The following RIMS2 variants were observed in gnomAD, a reference collection of about 807,000 sequenced individuals.
RIMS2 encodes the protein regulating synaptic membrane exocytosis 2.
Under a neutral mutation model 174.4 loss-of-function variants are expected in RIMS2, and 59 were observed. That is an observed-to-expected ratio of 0.34 (90% CI 0.27 to 0.42). The LOEUF is 0.42. RIMS2 is among the 10% of genes least tolerant of loss of function. The probability of loss-of-function intolerance (pLI) is 1.00; values close to 1 mark genes in which losing one functional copy is unlikely to be tolerated. For missense variants in RIMS2, 1,620 were observed against 1,666.3 expected (o/e 0.97, Z 0.48); for synonymous variants, 606 against 572.5 (o/e 1.06, Z -0.84).
chr8:103,718,463 G>T (rs1004902708), intron 2 of RIMS2, among the ~76,000 whole-genome samples: 18 of 152,176 alleles, frequency 1.2e-4, no homozygotes, highest in African/African-American at 3.9e-4. Context: ...TCACAATGAT[G>T]CACACTGGGC....
rs186666352 is a variant in RIMS2 at position 103,637,968 on chromosome 8, G to A, written c.177-59118G>A. Among the ~76,000 whole-genome samples the A allele has an allele frequency of 5.7e-4, 86 of 152,136 alleles. 1 individual carries two copies. The highest frequency in any genetic ancestry group is 1.1e-3 in the Admixed American group (17 of 15,280). Reference sequence around the variant, plus strand: ...TTCCCTAATTTCAATTTTTGTAGACGTTCCTCAGTTTGGGTTTGTTTTGAT... The same window carrying A: ...TTCCCTAATTTCAATTTTTGTAGACATTCCTCAGTTTGGGTTTGTTTTGAT... On this transcript the variant is annotated intron_variant, in intron 1 of 23. Coordinates refer to ENST00000504942, the Ensembl canonical transcript of RIMS2.
At chr8:103,507,173 C>T (rs1035051718) in intron 1 of RIMS2, among the ~76,000 whole-genome samples, 3 of 151,910 alleles carry the variant, frequency 2.0e-5, no homozygotes, top group Admixed American at 6.6e-5. Flanking sequence ...GTATGATTGC[C>T]GGTTTCTCAT....
intron 3 of RIMS2, among the ~76,000 whole-genome samples, chr8:103,848,517 C>T (rs1465879372): frequency 6.6e-6 from 1 of 151,948 alleles, no homozygotes; most frequent in Non-Finnish European, 1.5e-5. Flanking sequence ...TCTGTCTGGT[C>T]TTATGATTTG....
intron 2 of RIMS2, among the ~76,000 whole-genome samples, chr8:103,760,971 G>A (rs906173134): frequency 6.6e-6 from 1 of 152,054 alleles, no homozygotes; most frequent in African/African-American, 2.4e-5. Context: ...GCAAATTATA[G>A]CTTCATCTAA....
At chr8:104,163,533 A>G (rs1461828775) in intron 19 of RIMS2, among the ~76,000 whole-genome samples, 1 of 152,200 alleles carries the variant, frequency 6.6e-6, no homozygotes, top group East Asian at 1.9e-4. Context: ...GTCCACAAAG[A>G]CAAATGACCT....
intron 1 of RIMS2, among the ~76,000 whole-genome samples, chr8:103,681,298 C>A (rs776694778): frequency 3.2e-4 from 49 of 151,872 alleles, no homozygotes; most frequent in Non-Finnish European, 6.2e-4. Flanking sequence ...AAGTACCATG[C>A]ACATTAGCTA....
intron 3 of RIMS2, among the ~76,000 whole-genome samples, chr8:103,878,534 T>A (rs79166056): frequency 0.012 from 1,781 of 151,516 alleles, 35 homozygotes; most frequent in African/African-American, 0.04. Context: ...ATCTCTTTCT[T>A]TTTGTTGTGT....
intron 3 of RIMS2, among the ~76,000 whole-genome samples, chr8:103,783,969 G>T (rs1184695356): frequency 1.2e-4 from 19 of 152,018 alleles, no homozygotes; most frequent in Admixed American, 5.2e-4. Flanking sequence ...TCTAACTGGT[G>T]TGAGATGGTA....
At chr8:103,967,410 T>C (rs774091245) in intron 15 of RIMS2, among the ~76,000 whole-genome samples, 7 of 151,952 alleles carry the variant, frequency 4.6e-5, no homozygotes, top group Non-Finnish European at 8.8e-5. Context: ...GTCAGGCTGG[T>C]CTCAAACTCC....
intron 3 of RIMS2, among the ~76,000 whole-genome samples, chr8:103,870,274 T>C (rs1034637482): frequency 2.6e-5 from 4 of 152,036 alleles, no homozygotes; most frequent in African/African-American, 9.7e-5. Flanking sequence ...TTCACAGGAT[T>C]ATTTTGAAAA....
chr8:103,542,302 A>C (rs1842913300), intron 1 of RIMS2, among the ~76,000 whole-genome samples: 1 of 152,158 alleles, frequency 6.6e-6, no homozygotes, highest in Non-Finnish European at 1.5e-5. Context: ...AGAAATAGAA[A>C]AGCTAAACAG....
chr8:104,097,733 G>T (rs1426221778), intron 19 of RIMS2, among the ~76,000 whole-genome samples: 3 of 152,114 alleles, frequency 2.0e-5, no homozygotes, highest in African/African-American at 7.2e-5. Context: ...TAGGATTTTG[G>T]ATTTTCAAAT....
intron 19 of RIMS2, among the ~76,000 whole-genome samples, chr8:104,159,366 C>T (rs1028212626): frequency 2.0e-5 from 3 of 152,152 alleles, no homozygotes; most frequent in Non-Finnish European, 4.4e-5. Context: ...TTAGGATTAT[C>T]GTGGCTATGC....
At position 103,822,576 on chromosome 8, in the gene RIMS2, T is replaced by G. The variant is rs1006459178; in HGVS notation, c.698+56039T>G. Among the ~76,000 whole-genome samples the G allele has an allele frequency of 6.6e-5, 10 of 151,992 alleles. No individual in the cohort carries two copies. The South Asian group carries it at 1.2e-3, about 19-fold the overall frequency. On this transcript the variant is annotated intron_variant, in intron 3 of 23. Transcript: ENST00000504942. The stretch of plus-strand genomic sequence containing the variant: ...AAACCATATAGCACAAACCTTATTT[T>G]CATACTGAAAGTGTTTAGCTTATTC...
chr8:103,961,297 T>C (rs2089993160), intron 15 of RIMS2, among the ~76,000 whole-genome samples, 164 bp downstream of exon 17: 1 of 152,128 alleles, frequency 6.6e-6, no homozygotes, highest in Non-Finnish European at 1.5e-5. Flanking sequence ...TAATCCCAAT[T>C]GCTGGAACAC....
intron 1 of RIMS2, among the ~76,000 whole-genome samples, chr8:103,602,832 G>C (rs2094826967): frequency 6.6e-6 from 1 of 152,134 alleles, no homozygotes; most frequent in South Asian, 2.1e-4. Flanking sequence ...TCATTAATGG[G>C]ATTGCTGGGT....
intron 3 of RIMS2, among the ~76,000 whole-genome samples, chr8:103,827,621 G>A (rs1370238448): frequency 3.3e-5 from 5 of 152,168 alleles, no homozygotes; most frequent in Admixed American, 6.5e-5. Flanking sequence ...CAGATCACGA[G>A]GTCAGGAGTT....
chr8:104,240,145 T>C (rs944542760), intron 19 of RIMS2, among the ~76,000 whole-genome samples: 33 of 152,206 alleles, frequency 2.2e-4, no homozygotes, highest in Non-Finnish European at 1.5e-4. Context: ...CACTCTGCTT[T>C]GAAAGGGCTG....
At chr8:103,641,583 C>A (rs1032397327) in intron 1 of RIMS2, among the ~76,000 whole-genome samples, 2 of 151,938 alleles carry the variant, frequency 1.3e-5, no homozygotes, top group African/African-American at 4.8e-5. Flanking sequence ...CATGTGAAAA[C>A]TTGGTCCCTA....
Sources: gnomAD v4.1 joint callset for allele counts (sites outside exome capture counted in the v4.1 genomes callset) on GRCh38, gnomAD v4.1.1 for gene constraint, MANE v1.5 for transcripts, NCBI Gene and HGNC (gene_info 2026-07-23, HGNC 2026-07-21) for gene names.